FAM136A: variants seen among roughly 807,000 people sequenced by gnomAD.
FAM136A encodes the protein TIM double twin CX3C motif chaperone, also known as TIM double twin CX3C motif protein.
FAM136A carries 25 observed loss-of-function variants against 21.6 expected under a neutral mutation model. That is an observed-to-expected ratio of 1.16 (90% CI 0.84 to 1.62). The LOEUF (loss-of-function observed/expected upper bound fraction) is 1.62. FAM136A is among the 40% of genes most tolerant of loss of function. FAM136A has a pLI of 0.00. For missense variants in FAM136A, 338 were observed against 332.0 expected, an observed-to-expected ratio of 1.02 and a Z score of -0.14; for synonymous variants, 119 against 129.4, an observed-to-expected ratio of 0.92 and a Z score of 0.55.
rs1315857856 is a variant in FAM136A at position 70,301,676 on chromosome 2, C to T, written c.336G>A (p.Arg112=). ...GCCACCAGGGGCTTCCCACCTGCCGCCGAGGACGCTCCTGCCCCGGGCTGG... is the reference window on the plus strand; with the variant it reads ...GCCACCAGGGGCTTCCCACCTGCCGTCGAGGACGCTCCTGCCCCGGGCTGG... ...APSSPGQERP[R]RQVGSPWWQA... Residue 112 remains arginine (R), a synonymous_variant, in exon 1 of 3, where the codon CGG becomes CGA. Transcript: ENST00000430566. The T allele has an allele frequency of 3.3e-6, 5 of 1,535,076 alleles. No individual in the cohort carries two copies. The highest frequency in any genetic ancestry group is 4.4e-6 in the Non-Finnish European group (5 of 1,146,180).
At chr2:70,299,631 C>G (rs754364994) in intron 2 of FAM136A, among the ~76,000 whole-genome samples, 4 of 152,190 alleles carry the variant, frequency 2.6e-5, no homozygotes, top group Non-Finnish European at 5.9e-5. Flanking sequence ...GACGGAGTCT[C>G]GCTCTGTCAC....
In FAM136A at chr2:70,297,491, GA is replaced by G; in HGVS notation, c.550-15del. The G allele has an allele frequency of 6.2e-7, 1 of 1,606,892 alleles. No individual in the cohort carries two copies. Among genetic ancestry groups the G allele is most frequent in the Non-Finnish European group, 8.5e-7 (1 of 1,176,024 alleles). On this transcript the variant is annotated splice_polypyrimidine_tract_variant and intron_variant, in intron 2 of 2. Coordinates refer to ENST00000430566, the MANE Select transcript of FAM136A (RefSeq NM_001329752.2). ...GGCCAGGCGGTCCTGTGGCAAGAAG[GA>G]AGAACGTAGAAAAAGCTGAGAGTAA...
In FAM136A at chr2:70,296,418, T is replaced by C. The variant is rs1697248856; in HGVS notation, c.*871A>G. 6.6e-6 allele frequency: 1 copy of C among 152,272 alleles called. No homozygotes were observed. The highest frequency in any genetic ancestry group is 2.4e-5 in the African/African-American group (1 of 41,466). The allele number at this position is 152,272 out of a possible 1,614,324, so 9.4% of individuals were successfully genotyped here. A position where few individuals can be genotyped will look rare whatever the true frequency, so the allele number is the denominator to read the frequency against. On this transcript the variant is annotated 3_prime_UTR_variant, in exon 3 of 3. Transcript: ENST00000430566. ...ACTCTGTTGTAATCAAGTAGCCAAC[T>C]GCTCCTCTTTTACTGTTCATTCCTA...
intron 2 of FAM136A, 24 bp from the exon 3 acceptor site, chr2:70,297,501 G>A: frequency 7.9e-7 from 1 of 1,270,138 alleles, no homozygotes; most frequent in Non-Finnish European, 1.1e-6. Flanking sequence ...GAAGAACGTA[G>A]AAAAAGCTGA....
Position 70,302,061 on chromosome 2 carries a change from T to TCGGC in FAM136A, c.-54_-51dup. The TCGGC allele has an allele frequency of 1.3e-6, 2 of 1,522,784 alleles. No homozygotes were observed. Among genetic ancestry groups the TCGGC allele is most frequent in the Non-Finnish European group, 1.8e-6 (2 of 1,139,322 alleles). The allele number at this position is 1,522,784 out of a possible 1,614,324, so 94.3% of individuals were successfully genotyped here. The stretch of plus-strand genomic sequence containing the variant: ...GCTCCGCGCCGGCGCCCATATGGAA[T>TCGGC]CGGCGTACGGGCCCGCCCCCTCACC... On this transcript the variant is annotated 5_prime_UTR_variant, in exon 1 of 3. Coordinates refer to ENST00000430566, the MANE Select transcript of FAM136A (RefSeq NM_001329752.2).
chr2:70,299,543 T>C (rs1697337057), intron 2 of FAM136A, among the ~76,000 whole-genome samples: 1 of 152,262 alleles, frequency 6.6e-6, no homozygotes, highest in Admixed American at 6.5e-5. Context: ...CCTACCTTTC[T>C]AGAGATTCTG....
intron 2 of FAM136A, among the ~76,000 whole-genome samples, chr2:70,300,026 C>T (rs990347693): frequency 1.4e-4 from 22 of 151,976 alleles, no homozygotes; most frequent in Admixed American, 2.0e-4. Context: ...CTCAGCCTCC[C>T]GAGTAGCTGG....
intron 1 of FAM136A, chr2:70,301,374 A>T (rs775336212): frequency 6.7e-7 from 1 of 1,503,204 alleles, no homozygotes; most frequent in Non-Finnish European, 8.9e-7. Context: ...CCACTAATCA[A>T]TGACTCAAGG....
chr2:70,300,732 T>C (rs1697373043), intron 2 of FAM136A, 108 bp downstream of exon 2: 1 of 1,353,146 alleles, frequency 7.4e-7, no homozygotes, highest in Non-Finnish European at 9.9e-7. Flanking sequence ...GTATCACAAC[T>C]GTTAACAGAA....
In FAM136A at chr2:70,299,964, C is replaced by T. The variant is rs544966651; in HGVS notation, c.549+876G>A. On this transcript the variant is annotated intron_variant, in intron 2 of 2. Transcript: ENST00000430566. ...GTCCAGGCTGGAGCGCAATGGCATGCGATCTTGGCTCACTGCAACCTGCGC... is the reference window on the plus strand; with the variant it reads ...GTCCAGGCTGGAGCGCAATGGCATGTGATCTTGGCTCACTGCAACCTGCGC... Among the ~76,000 whole-genome samples the T allele has an allele frequency of 3.4e-5, 5 of 148,078 alleles. No homozygotes were observed. The South Asian group carries it at 6.5e-4, about 19-fold the overall frequency.
chr2:70,297,601 A>T, intron 2 of FAM136A, 124 bp from the exon 3 acceptor site: 2 of 685,664 alleles, frequency 2.9e-6, no homozygotes, highest in Non-Finnish European at 2.2e-6. Context: ...TTAAAGGGAC[A>T]TGGTAGTGTG....
Position 70,300,954 on chromosome 2 carries a change from G to C in FAM136A, c.435C>G (p.Ser145Arg). The C allele has an allele frequency of 1.9e-6, 3 of 1,612,926 alleles. No individual in the cohort carries two copies. Among genetic ancestry groups the C allele is most frequent in the Non-Finnish European group, 2.5e-6 (3 of 1,178,974 alleles). Reference sequence around the variant, plus strand: ...TGGAGGCCTGGCTGTCCTCACAACAGCTGGCGCTGCACCGGAACATGAGAC... The same window carrying C: ...TGGAGGCCTGGCTGTCCTCACAACACCTGGCGCTGCACCGGAACATGAGAC... ...PQGLMFRCSA[S>R]CCEDSQASMK... Residue 145 changes from serine (S) to arginine (R), a missense_variant, in exon 2 of 3, where the codon AGC becomes AGG. Transcript: ENST00000430566.
intron 2 of FAM136A, among the ~76,000 whole-genome samples, chr2:70,299,602 TATTTTA>T (rs1675000694): frequency 6.6e-6 from 1 of 152,208 alleles, no homozygotes; most frequent in African/African-American, 2.4e-5. Context: ...TTTTTATTTT[TATTTTA>T]TTTATTTTTT....
At chr2:70,297,570 A>T (rs990974809) in intron 2 of FAM136A, 93 bp from the exon 3 acceptor site, 45 of 1,203,052 alleles carry the variant, frequency 3.7e-5, no homozygotes, top group Non-Finnish European at 5.1e-5. Flanking sequence ...CTACAGGTTT[A>T]ATATGTATTA....
chr2:70,298,096 C>T (rs1463221816), intron 2 of FAM136A, among the ~76,000 whole-genome samples: 2 of 144,494 alleles, frequency 1.4e-5, no homozygotes, highest in African/African-American at 5.1e-5. Flanking sequence ...CATCTTGATT[C>T]TTTTTTTTTT....
intron 2 of FAM136A, 86 bp downstream of exon 2, chr2:70,300,754 A>G: frequency 2.1e-6 from 3 of 1,443,000 alleles, no homozygotes; most frequent in Non-Finnish European, 2.8e-6. Flanking sequence ...CAAGACACTA[A>G]AGCCAAGAGT....
Position 70,296,571 on chromosome 2 carries a change from T to C in FAM136A, c.*718A>G, listed in dbSNP as rs547734639. 8 of 152,312 alleles carry C rather than the reference T, an allele frequency of 5.3e-5. No individual in the cohort carries two copies. In the South Asian group the frequency reaches 1.7e-3, roughly 32 times the overall value. The allele number at this position is 152,312 out of a possible 1,614,324, so 9.4% of individuals were successfully genotyped here. On this transcript the variant is annotated 3_prime_UTR_variant, in exon 3 of 3. Transcript: ENST00000430566. ...AGCCAGTAATTCTGCTTCCCATAAT[T>C]AGTGTGTCATCACCTCTCATGTTTC...
chr2:70,301,079 CCTCT>C (rs1369378000), intron 1 of FAM136A, 99 bp from the exon 2 acceptor site: 2 of 1,357,752 alleles, frequency 1.5e-6, no homozygotes, highest in African/African-American at 2.9e-5. Context: ...GATATTTGCA[CCTCT>C]CTCTCCACCT....
intron 2 of FAM136A, 123 bp from the exon 3 acceptor site, chr2:70,297,600 C>A: frequency 8.4e-5 from 51 of 606,812 alleles, no homozygotes; most frequent in Non-Finnish European, 1.1e-4. Context: ...ATTAAAGGGA[C>A]ATGGTAGTGT....
Sources: gnomAD v4.1 joint callset for allele counts (sites outside exome capture counted in the v4.1 genomes callset) on GRCh38, gnomAD v4.1.1 for gene constraint, MANE v1.5 for transcripts, NCBI Gene and HGNC (gene_info 2026-07-23, HGNC 2026-07-21) for gene names.